Variants in APBA2 observed in about 807,000 individuals in gnomAD.
The protein encoded by APBA2 is amyloid-beta A4 precursor protein-binding family A member 2.
APBA2 carries 30 observed loss-of-function variants against 75.0 expected under a neutral mutation model. The observed-to-expected ratio is 0.40, with a 90% CI of 0.30 to 0.54. APBA2 has a LOEUF of 0.54. APBA2 is among the 20% of genes least tolerant of loss of function. The pLI is 0.49. For missense variants in APBA2, 801 were observed against 1,016.1 expected (o/e 0.79, Z 2.88); for synonymous variants, 444 against 409.6 (o/e 1.08, Z -1.01).
intron 2 of APBA2, among the ~76,000 whole-genome samples, chr15:28,989,617 C>T (rs2038111560): frequency 6.6e-6 from 1 of 152,162 alleles, no homozygotes; most frequent in East Asian, 1.9e-4. Context: ...AAAACGAAAT[C>T]CCATCCCCGC....
intron 4 of APBA2, among the ~76,000 whole-genome samples, chr15:29,055,478 G>A (rs1259022870): frequency 6.6e-6 from 1 of 152,176 alleles, no homozygotes; most frequent in Admixed American, 6.5e-5. Flanking sequence ...AGCAAAGTCA[G>A]CGTGCATTCT....
At chr15:28,909,539 A>G (rs2033328258) in intron 1 of APBA2, among the ~76,000 whole-genome samples, 1 of 152,194 alleles carries the variant, frequency 6.6e-6, no homozygotes, top group Non-Finnish European at 1.5e-5. Context: ...CTCACACAGT[A>G]GAAAGAATCC....
Position 29,098,474 on chromosome 15 carries a change from C to T in APBA2, c.1252-16C>T. On this transcript the variant is annotated splice_polypyrimidine_tract_variant and intron_variant, in intron 8 of 14. Coordinates refer to ENST00000683413, the MANE Select transcript of APBA2 (RefSeq NM_001353788.2). ...GTTGGTTTTTGGACTTTAACAATAT[C>T]CACTGTCCTTCTTAGAATTCTGAGG... The T allele has an allele frequency of 6.2e-7, 1 of 1,603,632 alleles. No homozygotes were observed. Among genetic ancestry groups the T allele is most frequent in the Admixed American group, 1.7e-5 (1 of 60,008 alleles).
At chr15:28,972,027 C>T (rs1036379773) in intron 2 of APBA2, among the ~76,000 whole-genome samples, 5 of 151,918 alleles carry the variant, frequency 3.3e-5, no homozygotes, top group Non-Finnish European at 5.9e-5. Context: ...TAAAATAAGA[C>T]TGGAAATGGA....
chr15:28,927,475 A>T (rs1273599819), intron 2 of APBA2, among the ~76,000 whole-genome samples: 1 of 151,142 alleles, frequency 6.6e-6, no homozygotes, highest in African/African-American at 2.4e-5. Context: ...TTTCTTCTCC[A>T]TTGTCTCTTT....
chr15:29,067,289 C>G (rs912123022), intron 4 of APBA2, among the ~76,000 whole-genome samples: 2 of 152,140 alleles, frequency 1.3e-5, no homozygotes, highest in African/African-American at 4.8e-5. Context: ...GAAGCAAAAA[C>G]ATTTTGGGCC....
chr15:29,030,796 G>A (rs56308601), intron 3 of APBA2, among the ~76,000 whole-genome samples: 20,047 of 151,524 alleles, frequency 0.13, 3,117 homozygotes, highest in African/African-American at 0.37. Flanking sequence ...TGTTAGGTAC[G>A]GGGTTCTAAA....
intron 3 of APBA2, among the ~76,000 whole-genome samples, chr15:29,031,441 G>T (rs2040482347): frequency 6.6e-6 from 1 of 152,066 alleles, no homozygotes; most frequent in Non-Finnish European, 1.5e-5. Flanking sequence ...TGCCTGTTGT[G>T]TGCCCCTGGG....
intron 4 of APBA2, among the ~76,000 whole-genome samples, chr15:29,055,075 C>T (rs1308907496): frequency 2.0e-5 from 3 of 152,236 alleles, no homozygotes; most frequent in Non-Finnish European, 4.4e-5. Context: ...AGTGGCAACT[C>T]GTGTCTCGCA....
intron 3 of APBA2, among the ~76,000 whole-genome samples, chr15:29,011,744 GT>G (rs1186069123): frequency 6.6e-6 from 1 of 152,066 alleles, no homozygotes; most frequent in Non-Finnish European, 1.5e-5. Context: ...TAATGTCTGT[GT>G]CTAATAGACA....
At chr15:28,972,721 G>A (rs77512617) in intron 2 of APBA2, among the ~76,000 whole-genome samples, 2,697 of 152,244 alleles carry the variant, frequency 0.018, 78 homozygotes, top group African/African-American at 0.062. Flanking sequence ...GAGGCTGGAC[G>A]GCAGAAATGG....
At position 28,918,658 on chromosome 15, in the gene APBA2, G is replaced by A. The variant is rs989185478; in HGVS notation, c.-204-2982G>A. Among the ~76,000 whole-genome samples, 1 of 152,030 alleles carries A rather than the reference G, an allele frequency of 6.6e-6. No homozygotes were observed. Among genetic ancestry groups the A allele is most frequent in the African/African-American group, 2.4e-5 (1 of 41,404 alleles). On this transcript the variant is annotated intron_variant, in intron 1 of 14. Transcript: ENST00000683413. The surrounding 1 kb of genome is among the most constrained non-coding windows in gnomAD (Gnocchi z 4.2). ...GGGGGTGGGGCTGGGGGTGGTTGCA[G>A]CGGGGCCTATGCAGGATCCCGGTTG... is the stretch of plus-strand genomic sequence containing the variant.
At chr15:28,907,638 A>G (rs2152642921) in intron 1 of APBA2, among the ~76,000 whole-genome samples, 1 of 152,306 alleles carries the variant, frequency 6.6e-6, no homozygotes, top group Non-Finnish European at 1.5e-5. Context: ...GCAGACATCA[A>G]TGCTCAGGAT....
In APBA2 at chr15:28,945,433, T is replaced by A. The variant is rs73366782; in HGVS notation, c.-95+23684T>A. ...GATTTGGGGGTTTGTTATGAAAATT[T>A]CACGTTACAAAAAAGGGAGAAGTGC... On this transcript the variant is annotated intron_variant, in intron 2 of 14. Coordinates refer to ENST00000683413, the MANE Select transcript of APBA2 (RefSeq NM_001353788.2). Among the ~76,000 whole-genome samples, 725 of 152,228 alleles carry A rather than the reference T, an allele frequency of 4.8e-3. 6 individuals carry two copies. The highest frequency in any genetic ancestry group is 0.017 in the African/African-American group (688 of 41,548).
At chr15:28,947,019 G>A (rs552532772) in intron 2 of APBA2, among the ~76,000 whole-genome samples, 16 of 152,342 alleles carry the variant, frequency 1.1e-4, no homozygotes, top group African/African-American at 3.6e-4. Context: ...ATTGCAGCAA[G>A]ATTGATCAGT....
intron 2 of APBA2, among the ~76,000 whole-genome samples, chr15:28,967,970 C>T (rs961625410): frequency 5.3e-5 from 8 of 152,182 alleles, no homozygotes; most frequent in South Asian, 2.1e-4. Context: ...TTTCACACCC[C>T]CTGGCAACCA....
rs117687705 is a variant in APBA2, at chr15:29,076,694, C to T, written c.1069+603C>T. 6.1e-3 allele frequency among the ~76,000 whole-genome samples: 929 copies of T among 152,170 alleles called. 6 individuals carry two copies. The highest frequency in any genetic ancestry group is 0.024 in the Middle Eastern group (7 of 294). On this transcript the variant is annotated intron_variant, in intron 6 of 14. Transcript: ENST00000683413. ...CCAACCTCAGAGTAAAGAGCTTGTT[C>T]GGCAGGATTTCTGTCTTTGCCAGGA... is the stretch of plus-strand genomic sequence containing the variant.
intron 3 of APBA2, among the ~76,000 whole-genome samples, chr15:29,037,442 T>A (rs1367913594): frequency 1.3e-5 from 2 of 152,082 alleles, no homozygotes; most frequent in Non-Finnish European, 2.9e-5. Flanking sequence ...TCGTGTGAGA[T>A]TACAGGTTGC....
At chr15:29,114,694 A>G (rs1417901493) in intron 14 of APBA2, among the ~76,000 whole-genome samples, 1 of 147,022 alleles carries the variant, frequency 6.8e-6, no homozygotes, top group Non-Finnish European at 1.5e-5. Flanking sequence ...GGTGTGGGAA[A>G]TGAGTGTGTG....
Sources: gnomAD v4.1 joint callset for allele counts (sites outside exome capture counted in the v4.1 genomes callset) on GRCh38, gnomAD v4.1.1 for gene constraint, Gnocchi (gnomAD v3.1) non-coding constraint, MANE v1.5 for transcripts, NCBI Gene and HGNC (gene_info 2026-07-23, HGNC 2026-07-21) for gene names.